FAM53B: variants seen among roughly 807,000 people sequenced by gnomAD.
FAM53B encodes the protein protein FAM53B.
FAM53B carries 12 observed loss-of-function variants against 32.7 expected under a neutral mutation model. That is an observed-to-expected ratio of 0.37 (90% CI 0.24 to 0.59). The LOEUF (loss-of-function observed/expected upper bound fraction) is 0.59. Among genes scored for constraint, FAM53B ranks in the 20% least tolerant of loss-of-function variants. The probability of loss-of-function intolerance (pLI) is 0.72; values close to 1 mark genes in which losing one functional copy is unlikely to be tolerated. For synonymous variants in FAM53B, 234 were observed against 228.7 expected (o/e 1.02, Z -0.21); for missense variants, 477 against 577.7 (o/e 0.83, Z 1.79).
At chr10:124,726,224 AT>A (rs1307388677) in intron 1 of FAM53B, among the ~76,000 whole-genome samples, 2 of 152,212 alleles carry the variant, frequency 1.3e-5, no homozygotes, top group Non-Finnish European at 2.9e-5. Context: ...ATCAGGATCC[AT>A]AAAAGTTGAG....
intron 2 of FAM53B, among the ~76,000 whole-genome samples, chr10:124,698,277 A>G (rs561651858): frequency 6.6e-6 from 1 of 152,308 alleles, no homozygotes; most frequent in East Asian, 1.9e-4. Flanking sequence ...TGGGGAGAGC[A>G]GAATTGAACA....
intron 4 of FAM53B, among the ~76,000 whole-genome samples, chr10:124,638,323 T>C (rs992427677): frequency 6.6e-6 from 1 of 152,130 alleles, no homozygotes; most frequent in East Asian, 1.9e-4. Context: ...TGAGCCAAGA[T>C]TGCACCACTG....
At chr10:124,735,080 G>T (rs191482491) in intron 1 of FAM53B, among the ~76,000 whole-genome samples, 2 of 152,122 alleles carry the variant, frequency 1.3e-5, no homozygotes, top group Non-Finnish European at 2.9e-5. Flanking sequence ...CACATAACCC[G>T]CACCCGGAAG....
At chr10:124,743,133 TG>T (rs2134108586) in intron 1 of FAM53B, among the ~76,000 whole-genome samples, 1 of 8,682 alleles carries the variant, frequency 1.2e-4, no homozygotes, top group African/African-American at 6.8e-4. Context: ...GGTGGAGAGC[TG>T]GGGGCTGGGG....
chr10:124,740,699 G>A (rs77166714), intron 1 of FAM53B, among the ~76,000 whole-genome samples: 6 of 152,328 alleles, frequency 3.9e-5, no homozygotes, highest in East Asian at 3.9e-4. Context: ...AAGTGTATCC[G>A]TTGGACAAGT....
At position 124,620,135 on chromosome 10, in the gene FAM53B, G is replaced by C. The variant is rs963042911; in HGVS notation, c.*3107C>G. The C allele has an allele frequency of 1.3e-5, 2 of 152,632 alleles. No individual in the cohort carries two copies. Among genetic ancestry groups the C allele is most frequent in the Non-Finnish European group, 2.9e-5 (2 of 68,042 alleles). The allele number at this position is 152,632 out of a possible 1,614,324, so 9.5% of individuals were successfully genotyped here. A position where few individuals can be genotyped will look rare whatever the true frequency, so the allele number is the denominator to read the frequency against. On this transcript the variant is annotated 3_prime_UTR_variant, in exon 5 of 5. Transcript: ENST00000337318. ...TACAAAAATTTGGTTGAAAAGTAAGGCTTTCTGAGAATGAAAATCTGTACG... is the reference window on the plus strand; with the variant it reads ...TACAAAAATTTGGTTGAAAAGTAAGCCTTTCTGAGAATGAAAATCTGTACG...
chr10:124,717,239 G>A (rs540389302), intron 1 of FAM53B, among the ~76,000 whole-genome samples: 2 of 152,154 alleles, frequency 1.3e-5, no homozygotes, highest in Non-Finnish European at 2.9e-5. Context: ...GATAAGCTCC[G>A]TTTCTGACTA....
intron 1 of FAM53B, among the ~76,000 whole-genome samples, chr10:124,741,017 C>T (rs1280845703): frequency 6.6e-6 from 1 of 152,226 alleles, no homozygotes; most frequent in African/African-American, 2.4e-5. Flanking sequence ...CTCCAAAGCC[C>T]TGAGCTCGGG....
At chr10:124,726,633 G>C (rs1425707249) in intron 1 of FAM53B, among the ~76,000 whole-genome samples, 1 of 152,200 alleles carries the variant, frequency 6.6e-6, no homozygotes, top group African/African-American at 2.4e-5. Context: ...ATACGTGTGA[G>C]AATCAGAAGG....
At chr10:124,694,483 C>G (rs1474161730) in intron 3 of FAM53B, among the ~76,000 whole-genome samples, 1 of 152,254 alleles carries the variant, frequency 6.6e-6, no homozygotes, top group Non-Finnish European at 1.5e-5. Context: ...AGACTTCCAC[C>G]TTATTATAAC....
intron 4 of FAM53B, among the ~76,000 whole-genome samples, chr10:124,669,220 A>G (rs1949692114): frequency 6.6e-6 from 1 of 152,210 alleles, no homozygotes; most frequent in Non-Finnish European, 1.5e-5. Context: ...TGTCCACTTG[A>G]GGGATGTAAC....
At chr10:124,730,249 T>G (rs1950132621) in intron 1 of FAM53B, among the ~76,000 whole-genome samples, 1 of 152,136 alleles carries the variant, frequency 6.6e-6, no homozygotes, top group African/African-American at 2.4e-5. Context: ...AGAACAGGTA[T>G]GAATACATAA....
chr10:124,626,949 G>A (rs1052388340), intron 4 of FAM53B, among the ~76,000 whole-genome samples: 2 of 152,228 alleles, frequency 1.3e-5, no homozygotes, highest in African/African-American at 4.8e-5. Context: ...TGTGAAGCAG[G>A]GGGAGTCTAC....
At chr10:124,742,163 G>T (rs1028620870) in intron 1 of FAM53B, among the ~76,000 whole-genome samples, 5 of 152,084 alleles carry the variant, frequency 3.3e-5, no homozygotes, top group Admixed American at 2.0e-4. Context: ...AAGCTGGATC[G>T]GCAGACTCCC....
At chr10:124,665,184 T>C (rs987943099) in intron 4 of FAM53B, among the ~76,000 whole-genome samples, 1 of 152,264 alleles carries the variant, frequency 6.6e-6, no homozygotes, top group South Asian at 2.1e-4. Context: ...CAGCCCCCTT[T>C]CTCCACTGAA....
intron 3 of FAM53B, among the ~76,000 whole-genome samples, chr10:124,695,288 C>T (rs11597613): frequency 0.23 from 34,472 of 152,106 alleles, 4,583 homozygotes; most frequent in Non-Finnish European, 0.3. Context: ...GCAAGGAGAG[C>T]CACAGAGAGA....
At chr10:124,688,071 T>C (rs1036690234) in intron 3 of FAM53B, among the ~76,000 whole-genome samples, 2 of 152,168 alleles carry the variant, frequency 1.3e-5, no homozygotes, top group African/African-American at 4.8e-5. Flanking sequence ...CCTCAGGGCT[T>C]CCTTCTCAAG....
At position 124,651,948 on chromosome 10, in the gene FAM53B, G is replaced by A. The variant is rs1360386817; in HGVS notation, c.907-28344C>T. On this transcript the variant is annotated intron_variant, in intron 4 of 4. Coordinates refer to ENST00000337318, the MANE Select transcript of FAM53B (RefSeq NM_014661.4). This position sits in a 1 kb window ranked among gnomAD's most constrained non-coding sequence, Gnocchi z 5.2. ...CTGTGAAGCATCTGTGGTCCACCAG[G>A]TGCTCTCCTGAGCAATGTGAACTCA... 3.9e-5 allele frequency among the ~76,000 whole-genome samples: 6 copies of A among 152,196 alleles called. No individual in the cohort carries two copies. The highest frequency in any genetic ancestry group is 2.0e-4 in the Admixed American group (3 of 15,280).
intron 4 of FAM53B, among the ~76,000 whole-genome samples, chr10:124,660,068 A>G (rs1184195726): frequency 2.6e-5 from 4 of 152,178 alleles, no homozygotes; most frequent in South Asian, 2.1e-4. Flanking sequence ...TGGCCTTCCA[A>G]CGTTCTGGGA....
Sources: allele counts gnomAD v4.1 joint callset (sites outside exome capture counted in the v4.1 genomes callset), GRCh38; gene constraint gnomAD v4.1.1; non-coding constraint Gnocchi (gnomAD v3.1); transcripts MANE v1.5; gene names NCBI Gene and HGNC (gene_info 2026-07-23, HGNC 2026-07-21).